SSPN: variants seen among roughly 807,000 people sequenced by gnomAD.
SSPN encodes the protein K-ras oncogene-associated protein.
SSPN carries 15 observed loss-of-function variants against 19.1 expected under a neutral mutation model. That is an observed-to-expected ratio of 0.78 (90% CI 0.52 to 1.21). The LOEUF (loss-of-function observed/expected upper bound fraction) is 1.21, where lower values mean the gene tolerates loss of function less well. Among genes scored for constraint, SSPN ranks in the 50% most tolerant of loss-of-function variants. The pLI, the probability that SSPN is intolerant of heterozygous loss-of-function variation, is 0.00. For missense variants in SSPN, 291 were observed against 314.0 expected, an observed-to-expected ratio of 0.93 and a Z score of 0.55; for synonymous variants, 147 against 140.3, an observed-to-expected ratio of 1.05 and a Z score of -0.34.
At chr12:26,180,968 A>C (rs1334916519) in intron 1 of SSPN, 1 of 152,254 alleles carries the variant, frequency 6.6e-6, no homozygotes, top group Non-Finnish European at 1.5e-5. Flanking sequence ...CAGTCTGTCC[A>C]GGAGATTCAC....
chr12:26,223,358 G>A (rs1284511541), intron 1 of SSPN, among the ~76,000 whole-genome samples: 2 of 152,130 alleles, frequency 1.3e-5, no homozygotes, highest in Non-Finnish European at 2.9e-5. Flanking sequence ...TTACAGGTGT[G>A]CACCACCACG....
chr12:26,161,444 C>T (rs1241239184), intron 1 of SSPN, among the ~76,000 whole-genome samples: 1 of 152,166 alleles, frequency 6.6e-6, no homozygotes, highest in African/African-American at 2.4e-5. Flanking sequence ...CAACTCTTTC[C>T]CTGCCCTGCC....
At chr12:26,128,059 A>G (rs1169940871) in intron 1 of SSPN, among the ~76,000 whole-genome samples, 2 of 146,756 alleles carry the variant, frequency 1.4e-5, no homozygotes, top group African/African-American at 5.5e-5. Context: ...TGAGATTGCA[A>G]AATATTTCCA....
At chr12:26,138,779 C>T (rs923209838) in intron 1 of SSPN, among the ~76,000 whole-genome samples, 1 of 150,914 alleles carries the variant, frequency 6.6e-6, no homozygotes, top group African/African-American at 2.4e-5. Flanking sequence ...GCTCAGAATC[C>T]GTGTGGGAAG....
chr12:26,190,568 A>T (rs188755883), upstream of SSPN, among the ~76,000 whole-genome samples: 12 of 152,324 alleles, frequency 7.9e-5, no homozygotes, highest in South Asian at 1.5e-3. Flanking sequence ...AAACCATGAA[A>T]TAATAATTAC....
upstream of SSPN, among the ~76,000 whole-genome samples, chr12:26,194,824 GA>G (rs1209439149): frequency 6.6e-6 from 1 of 152,056 alleles, no homozygotes; most frequent in Non-Finnish European, 1.5e-5. Flanking sequence ...CCATCTCTAT[GA>G]AAAAAATTTT....
At chr12:26,122,432 G>T in intron 1 of SSPN, 1 of 1,354,586 alleles carries the variant, frequency 7.4e-7, no homozygotes. Flanking sequence ...GCTGCACGTA[G>T]GCGGCAGCTG....
At chr12:26,123,764 C>T (rs1178737869) in intron 1 of SSPN, 11 of 1,502,648 alleles carry the variant, frequency 7.3e-6, no homozygotes, top group South Asian at 1.1e-5. Flanking sequence ...AAAAAAGAAA[C>T]GGGCACTTGG....
chr12:26,202,261 A>G (rs56871073), intron 1 of SSPN, among the ~76,000 whole-genome samples: 12,471 of 152,152 alleles, frequency 0.082, 981 homozygotes, highest in African/African-American at 0.2. Context: ...TGGATATGGA[A>G]CCCATTGATA....
rs542974561 is a variant in SSPN, at chr12:26,198,385, C to G, written c.279+2434C>G. On this transcript the variant is annotated intron_variant, in intron 1 of 2. Coordinates refer to ENST00000242729, the MANE Select transcript of SSPN (RefSeq NM_005086.5). ...GTGCCGAATAACTTTGGACAAGTTA[C>G]TTAACTTCTCTAGGTTTCCATTTCT... Among the ~76,000 whole-genome samples the G allele has an allele frequency of 3.9e-5, 6 of 152,316 alleles. No individual in the cohort carries two copies. The South Asian group carries it at 8.3e-4, about 21-fold the overall frequency.
chr12:26,196,630 A>G (rs1944832826), intron 1 of SSPN, among the ~76,000 whole-genome samples: 1 of 152,222 alleles, frequency 6.6e-6, no homozygotes, highest in South Asian at 2.1e-4. Flanking sequence ...TGAAACATGT[A>G]GCATACTTGG....
chr12:26,222,476 C>G (rs1945132172), intron 1 of SSPN, among the ~76,000 whole-genome samples: 1 of 152,228 alleles, frequency 6.6e-6, no homozygotes, highest in Admixed American at 6.5e-5. Context: ...TGGTTTGAAT[C>G]TGGCCTATGG....
intron 1 of SSPN, among the ~76,000 whole-genome samples, chr12:26,219,030 A>G (rs1945090217): frequency 6.6e-6 from 1 of 152,216 alleles, no homozygotes; most frequent in South Asian, 2.1e-4. Flanking sequence ...CAAAGGTGAA[A>G]GTTGATTAAC....
chr12:26,151,579 T>C (rs1944525700), intron 1 of SSPN, among the ~76,000 whole-genome samples: 1 of 152,172 alleles, frequency 6.6e-6, no homozygotes, highest in Non-Finnish European at 1.5e-5. Context: ...TTCAGAGTTC[T>C]TGGGAGTAAA....
intron 1 of SSPN, among the ~76,000 whole-genome samples, chr12:26,222,679 A>G (rs1945134595): frequency 6.6e-6 from 1 of 152,258 alleles, no homozygotes; most frequent in African/African-American, 2.4e-5. Flanking sequence ...GCTTTCCAAA[A>G]TTGAATGTGA....
intron 1 of SSPN, chr12:26,124,253 G>GGGGGGGGGGGGGGCC: frequency 1.3e-6 from 1 of 785,896 alleles, no homozygotes; most frequent in Non-Finnish European, 2.1e-6. Context: ...ACCCTCGTCT[G>GGGGGGGGGGGGGGCC]CCCCCCCCGC....
chr12:26,148,114 T>C (rs1944503675), intron 1 of SSPN, among the ~76,000 whole-genome samples: 1 of 152,260 alleles, frequency 6.6e-6, no homozygotes, highest in Non-Finnish European at 1.5e-5. Flanking sequence ...ATAACTCATC[T>C]GTGTCTAGCA....
At chr12:26,172,799 G>A (rs778484465) in intron 1 of SSPN, among the ~76,000 whole-genome samples, 5 of 146,974 alleles carry the variant, frequency 3.4e-5, no homozygotes, top group Non-Finnish European at 6.0e-5. Context: ...GTCTTGCTCT[G>A]TCGCCAGGCT....
At chr12:26,155,670 C>T (rs1944551695) in intron 1 of SSPN, among the ~76,000 whole-genome samples, 1 of 152,144 alleles carries the variant, frequency 6.6e-6, no homozygotes, top group Admixed American at 6.5e-5. Flanking sequence ...GAAGGCAAAT[C>T]ATTCATGATA....
Sources: allele counts gnomAD v4.1 joint callset (sites outside exome capture counted in the v4.1 genomes callset), GRCh38; gene constraint gnomAD v4.1.1; transcripts MANE v1.5; gene names NCBI Gene and HGNC (gene_info 2026-07-23, HGNC 2026-07-21).